PACC1: variants seen among roughly 807,000 people sequenced by gnomAD.
The protein encoded by PACC1 is proton-activated chloride channel.
Under a neutral mutation model 39.7 loss-of-function variants are expected in PACC1, and 34 were observed. The ratio of observed to expected loss-of-function variants is 0.86; its 90% CI spans 0.65 to 1.14. PACC1 has a LOEUF of 1.14. Among genes scored for constraint, PACC1 ranks in the 50% most tolerant of loss-of-function variants. PACC1 has a pLI of 0.00. For synonymous variants in PACC1, 127 were observed against 160.6 expected (o/e 0.79, Z 1.58); for missense variants, 379 against 436.4 (o/e 0.87, Z 1.17).
intron 2 of PACC1, among the ~76,000 whole-genome samples, chr1:212,394,461 A>G (rs1407389896): frequency 6.6e-6 from 1 of 152,234 alleles, no homozygotes; most frequent in Non-Finnish European, 1.5e-5. Context: ...TATTTATGAC[A>G]AACCTACAGC....
At chr1:212,397,471 AT>A (rs1434888846) in intron 2 of PACC1, among the ~76,000 whole-genome samples, 9 of 152,340 alleles carry the variant, frequency 5.9e-5, no homozygotes, top group African/African-American at 2.2e-4. Flanking sequence ...GCTCATAATT[AT>A]TTAATTTTAC....
chr1:212,397,788 T>C (rs187517994), intron 2 of PACC1, among the ~76,000 whole-genome samples: 42 of 152,356 alleles, frequency 2.8e-4, no homozygotes, highest in African/African-American at 1.0e-3. Flanking sequence ...GTCATGTTAG[T>C]TCTGCACCTA....
chr1:212,368,684 A>AG (rs1436819232), intron 7 of PACC1, among the ~76,000 whole-genome samples: 3 of 152,212 alleles, frequency 2.0e-5, no homozygotes, highest in African/African-American at 7.2e-5. Context: ...TAAAAAAAAA[A>AG]GAATGAAGAA....
intron 2 of PACC1, among the ~76,000 whole-genome samples, chr1:212,393,767 C>A (rs1661415285): frequency 6.6e-6 from 1 of 152,146 alleles, no homozygotes; most frequent in South Asian, 2.1e-4. Flanking sequence ...CACCACCGAT[C>A]TCACAGAAAT....
At chr1:212,387,918 G>T (rs1392638401) in intron 2 of PACC1, among the ~76,000 whole-genome samples, 3 of 152,018 alleles carry the variant, frequency 2.0e-5, no homozygotes, top group Non-Finnish European at 4.4e-5. Context: ...GCTGGGCGTG[G>T]TGGCGCATGC....
At chr1:212,397,901 C>T (rs1396023412) in intron 2 of PACC1, among the ~76,000 whole-genome samples, 4 of 152,196 alleles carry the variant, frequency 2.6e-5, no homozygotes, top group Admixed American at 2.6e-4. Context: ...CGAGCATGAG[C>T]TTTAGAGTCA....
intron 6 of PACC1, among the ~76,000 whole-genome samples, chr1:212,375,847 T>G (rs1660646140): frequency 6.6e-6 from 1 of 152,112 alleles, no homozygotes; most frequent in East Asian, 1.9e-4. Flanking sequence ...ATAGTGCCAC[T>G]GCACTCTAGC....
At chr1:212,373,451 G>C (rs1450794613) in intron 7 of PACC1, among the ~76,000 whole-genome samples, 1 of 152,058 alleles carries the variant, frequency 6.6e-6, no homozygotes, top group Admixed American at 6.5e-5. Context: ...GATCTTTTTG[G>C]TAAGACCTCA....
intron 4 of PACC1, among the ~76,000 whole-genome samples, chr1:212,382,594 G>A (rs371380833): frequency 6.6e-6 from 1 of 152,204 alleles, no homozygotes; most frequent in Admixed American, 6.5e-5. Context: ...CTCGACTGGG[G>A]TCACTTTCAC....
chr1:212,385,567 G>A lies in PACC1; in HGVS notation c.344-142C>T, dbSNP rs953389646. The A allele has an allele frequency of 5.0e-5, 43 of 865,806 alleles. No homozygotes were observed. The African/African-American group carries it at 7.0e-4, about 14-fold the overall frequency. 53.6% of individuals were successfully genotyped at this position (865,806 alleles called of 1,614,324 possible). On this transcript the variant is annotated intron_variant, in intron 3 of 7. Coordinates refer to ENST00000261455, the MANE Select transcript of PACC1 (RefSeq NM_018252.3). ...AGGGAGAAGAAAAGGGTTTCAGAGG[G>A]TGAGGAGCCACATCCCCTGGCCTCA...
chr1:212,382,209 T>TTTTA (rs1425992424), intron 4 of PACC1, among the ~76,000 whole-genome samples: 3 of 152,126 alleles, frequency 2.0e-5, no homozygotes, highest in South Asian at 2.1e-4. Context: ...CGCCTGATTT[T>TTTTA]TTTATTTTTA....
chr1:212,366,394 G>T (rs1164729628), intron 7 of PACC1, among the ~76,000 whole-genome samples: 1 of 146,984 alleles, frequency 6.8e-6, no homozygotes, highest in Non-Finnish European at 1.5e-5. Flanking sequence ...TCCGCCTCCC[G>T]GGTTCAATCT....
chr1:212,365,736 T>G (rs991964737), intron 7 of PACC1, among the ~76,000 whole-genome samples: 1 of 152,240 alleles, frequency 6.6e-6, no homozygotes, highest in Non-Finnish European at 1.5e-5. Flanking sequence ...ATAGCTCAGT[T>G]TGAGGAGAAA....
In PACC1 at chr1:212,407,945, A is replaced by T. The variant is rs1032871195; in HGVS notation, c.133+2480T>A. ...AAAAAGTAGCTGGGTGTGGTGGCAC[A>T]CGCCTATAGTCCCAGCTACTTGGGA... On this transcript the variant is annotated intron_variant, in intron 2 of 7. Coordinates refer to ENST00000261455, the MANE Select transcript of PACC1 (RefSeq NM_018252.3). Among the ~76,000 whole-genome samples the T allele has an allele frequency of 3.9e-5, 6 of 152,162 alleles. No individual in the cohort carries two copies. In the Middle Eastern group the frequency reaches 0.01, roughly 259 times the overall value.
intron 2 of PACC1, among the ~76,000 whole-genome samples, chr1:212,395,708 C>A (rs1413843158): frequency 6.6e-6 from 1 of 151,660 alleles, no homozygotes; most frequent in African/African-American, 2.4e-5. Flanking sequence ...GGCTAATATC[C>A]AGAATCTACA....
chr1:212,378,846 C>T (rs543369914), intron 5 of PACC1, among the ~76,000 whole-genome samples: 3 of 152,286 alleles, frequency 2.0e-5, no homozygotes, highest in Non-Finnish European at 4.4e-5. Context: ...CAAGACCAAA[C>T]CTCCTCCTCA....
chr1:212,403,278 T>G (rs2102532879), intron 2 of PACC1, among the ~76,000 whole-genome samples: 1 of 152,292 alleles, frequency 6.6e-6, no homozygotes, highest in South Asian at 2.1e-4. Flanking sequence ...GTGCTTAACT[T>G]GAATCTCTGC....
intron 7 of PACC1, among the ~76,000 whole-genome samples, chr1:212,369,384 G>A (rs1336526798): frequency 6.6e-6 from 1 of 152,168 alleles, no homozygotes; most frequent in African/African-American, 2.4e-5. Context: ...AATGTAAATG[G>A]ACCAAATTCT....
In PACC1 at chr1:212,389,853, C is replaced by T. The variant is rs114592913; in HGVS notation, c.134-2753G>A. 3.7e-3 allele frequency among the ~76,000 whole-genome samples: 565 copies of T among 152,066 alleles called. 1 individual carries two copies. The highest frequency in any genetic ancestry group is 0.013 in the African/African-American group (535 of 41,484). On this transcript the variant is annotated intron_variant, in intron 2 of 7. Transcript: ENST00000261455. ...GAGTAAGATGATGAGTTTTACATTA[C>T]GTGTATCTAACCACTGTAAAAATGT...
Sources: allele counts gnomAD v4.1 joint callset (sites outside exome capture counted in the v4.1 genomes callset), GRCh38; gene constraint gnomAD v4.1.1; transcripts MANE v1.5; gene names NCBI Gene and HGNC (gene_info 2026-07-23, HGNC 2026-07-21).